The following SUMF1 variants were observed in gnomAD, a reference collection of about 807,000 sequenced individuals.
SUMF1 encodes the protein formylglycine-generating enzyme.
In SUMF1, 48 loss-of-function variants were observed where a neutral mutation model predicts 47.6. That is an observed-to-expected ratio of 1.01 (90% CI 0.80 to 1.28). SUMF1 has a LOEUF of 1.28. Ranked by LOEUF, SUMF1 falls within the 50% of genes most tolerant of loss-of-function variation. The pLI, the probability that SUMF1 is intolerant of heterozygous loss-of-function variation, is 0.00. For missense variants in SUMF1, 571 were observed against 485.4 expected, an observed-to-expected ratio of 1.18 and a Z score of -1.66; for synonymous variants, 230 against 192.1, an observed-to-expected ratio of 1.20 and a Z score of -1.63.
At chr3:4,237,096 A>C (rs1696426191) in intron 8 of SUMF1, among the ~76,000 whole-genome samples, 1 of 152,164 alleles carries the variant, frequency 6.6e-6, no homozygotes. Flanking sequence ...ACAGCTAAAT[A>C]ATATCACATC....
intron 3 of SUMF1, among the ~76,000 whole-genome samples, chr3:4,448,263 C>T (rs1702850822): frequency 6.6e-6 from 1 of 152,142 alleles, no homozygotes; most frequent in Non-Finnish European, 1.5e-5. Context: ...AAAGAGAAAG[C>T]AAACATAAGC....
chr3:4,255,987 A>T (rs1696943275), intron 8 of SUMF1, among the ~76,000 whole-genome samples: 1 of 148,900 alleles, frequency 6.7e-6, no homozygotes, highest in Non-Finnish European at 1.5e-5. Flanking sequence ...AACTACATGC[A>T]AACTGAACAA....
chr3:4,068,685 T>C lies in SUMF1; in HGVS notation c.1075A>G (p.Thr359Ala), dbSNP rs763838419. The stretch of plus-strand genomic sequence containing the variant: ...GAGAAGGCCTTCCACCTGCTGGCTG[T>C]GTGTCTTCTCAACATCTCAGATGCC... Residue 359 changes from threonine to alanine, a missense_variant and NMD_transcript_variant, in exon 9 of 13, where the codon ACA (threonine) becomes GCA (alanine). By Grantham distance (58) the Thr-to-Ala change is moderately conservative. Coordinates refer to the SUMF1 transcript ENST00000448413. 67 of 451,658 alleles carry C rather than the reference T, an allele frequency of 1.5e-4. 1 individual carries two copies. Among genetic ancestry groups the C allele is most frequent in the South Asian group, 1.0e-3 (66 of 63,500 alleles). 28.0% of individuals were successfully genotyped at this position (451,658 alleles called of 1,614,324 possible).
chr3:4,075,775 T>G (rs186070705), intron 8 of SUMF1, among the ~76,000 whole-genome samples: 398 of 152,102 alleles, frequency 2.6e-3, no homozygotes, highest in Non-Finnish European at 4.6e-3. Context: ...GGAATCCAAC[T>G]TACAAGGAAT....
chr3:4,254,347 A>G (rs1696892750), intron 8 of SUMF1, among the ~76,000 whole-genome samples: 1 of 151,606 alleles, frequency 6.6e-6, no homozygotes, highest in Admixed American at 6.6e-5. Flanking sequence ...CCAAAGGCAA[A>G]GAAGTTGAAA....
At chr3:4,242,260 A>T (rs1575011189) in intron 8 of SUMF1, among the ~76,000 whole-genome samples, 1 of 152,044 alleles carries the variant, frequency 6.6e-6, no homozygotes, top group African/African-American at 2.4e-5. Context: ...AATTGAATAC[A>T]CTTTATTTCT....
intron 8 of SUMF1, among the ~76,000 whole-genome samples, chr3:4,091,464 G>C (rs1574874330): frequency 6.6e-6 from 1 of 152,150 alleles, no homozygotes; most frequent in African/African-American, 2.4e-5. Context: ...CTTTAAAAAT[G>C]TATCACAGCT....
chr3:4,322,997 C>T (rs1297339594), intron 8 of SUMF1, among the ~76,000 whole-genome samples: 8 of 151,938 alleles, frequency 5.3e-5, no homozygotes, highest in East Asian at 3.9e-4. Context: ...ATTCATTAGC[C>T]GATGAATGAA....
intron 8 of SUMF1, among the ~76,000 whole-genome samples, chr3:4,094,472 C>T (rs189620198): frequency 4.6e-5 from 7 of 152,012 alleles, no homozygotes; most frequent in African/African-American, 7.3e-5. Flanking sequence ...TGACTTCCAA[C>T]TGGGGAAACC....
At chr3:4,411,098 C>G (rs1343463088) in intron 6 of SUMF1, 120 bp from the exon 7 acceptor site, 32 of 877,310 alleles carry the variant, frequency 3.6e-5, no homozygotes, top group Non-Finnish European at 5.8e-5. Flanking sequence ...TTTATTCCAA[C>G]AGTCAAAGTA....
At chr3:4,071,823 T>A (rs1380924170) in intron 8 of SUMF1, among the ~76,000 whole-genome samples, 4 of 152,206 alleles carry the variant, frequency 2.6e-5, no homozygotes, top group South Asian at 2.1e-4. Flanking sequence ...ACCCCTCATC[T>A]CCCTGGGACA....
chr3:4,144,734 G>A (rs1381025847), intron 8 of SUMF1, among the ~76,000 whole-genome samples: 1 of 152,030 alleles, frequency 6.6e-6, no homozygotes, highest in Non-Finnish European at 1.5e-5. Context: ...ACAGAGATGA[G>A]TTTTTCTTAC....
intron 8 of SUMF1, among the ~76,000 whole-genome samples, chr3:4,221,982 A>G (rs1696076083): frequency 1.3e-5 from 2 of 152,058 alleles, no homozygotes; most frequent in Admixed American, 1.3e-4. Flanking sequence ...ATAATGAGAA[A>G]AAAAGCAATT....
chr3:4,153,058 G>A lies in SUMF1; in HGVS notation c.1015-84313C>T, dbSNP rs57641521. ...TCTGAGAACTGCAAGCGAGCTCTCA[G>A]AACCCTGCAAAGTTACAGCTACAAT... On this transcript the variant is annotated intron_variant and NMD_transcript_variant, in intron 8 of 12. Coordinates refer to the SUMF1 transcript ENST00000448413. Among the ~76,000 whole-genome samples the A allele has an allele frequency of 8.6e-4, 131 of 151,600 alleles. 3 individuals are homozygous for A. Among genetic ancestry groups the A allele is most frequent in the African/African-American group, 3.1e-3 (127 of 40,938 alleles).
intron 8 of SUMF1, among the ~76,000 whole-genome samples, chr3:4,154,851 A>T (rs1210263910): frequency 4.6e-5 from 7 of 151,646 alleles, no homozygotes; most frequent in South Asian, 4.1e-4. Flanking sequence ...AGAATACATC[A>T]AAATTACAGC....
At chr3:4,053,592 G>A (rs1022540062) in intron 9 of SUMF1, among the ~76,000 whole-genome samples, 7 of 152,142 alleles carry the variant, frequency 4.6e-5, no homozygotes, top group African/African-American at 1.7e-4. Flanking sequence ...ACACAATTTA[G>A]AAGGTGGTCC....
At chr3:4,090,538 A>G (rs147849313) in intron 8 of SUMF1, among the ~76,000 whole-genome samples, 10 of 152,264 alleles carry the variant, frequency 6.6e-5, no homozygotes, top group African/African-American at 2.4e-4. Context: ...TGAAGGGATG[A>G]ATAAATATAA....
chr3:4,044,719 A>G (rs1041462530), intron 9 of SUMF1, among the ~76,000 whole-genome samples: 4 of 152,242 alleles, frequency 2.6e-5, no homozygotes, highest in Non-Finnish European at 5.9e-5. Context: ...GGCCTTATGC[A>G]TATTGGAAAT....
chr3:4,183,500 T>C (rs1191463440), intron 8 of SUMF1, among the ~76,000 whole-genome samples: 1 of 152,112 alleles, frequency 6.6e-6, no homozygotes, highest in Non-Finnish European at 1.5e-5. Flanking sequence ...AGGAGGAAAA[T>C]TGATAGCGCT....
Sources: allele counts gnomAD v4.1 joint callset (sites outside exome capture counted in the v4.1 genomes callset), GRCh38; gene constraint gnomAD v4.1.1; transcripts MANE v1.5; gene names NCBI Gene and HGNC (gene_info 2026-07-23, HGNC 2026-07-21).